The following CDC42SE2 variants were observed in gnomAD, a reference collection of about 807,000 sequenced individuals.
CDC42SE2 encodes CDC42 small effector 2.
CDC42SE2 carries 3 observed loss-of-function variants against 11.5 expected under a neutral mutation model. That is an observed-to-expected ratio of 0.26 (90% CI 0.12 to 0.67). The LOEUF is 0.67. Among genes scored for constraint, CDC42SE2 ranks in the 30% least tolerant of loss-of-function variants. CDC42SE2 has a pLI of 0.80. For missense variants in CDC42SE2, 82 were observed against 106.8 expected, an observed-to-expected ratio of 0.77 and a Z score of 1.02; for synonymous variants, 33 against 34.8, an observed-to-expected ratio of 0.95 and a Z score of 0.18.
intron 2 of CDC42SE2, among the ~76,000 whole-genome samples, chr5:131,324,278 C>T (rs979869318): frequency 6.6e-6 from 1 of 152,130 alleles, no homozygotes; most frequent in African/African-American, 2.4e-5. Flanking sequence ...CATTACTGTG[C>T]AGCTCTCTCC....
At chr5:131,338,985 C>T (rs1463641371) in intron 2 of CDC42SE2, among the ~76,000 whole-genome samples, 1 of 152,062 alleles carries the variant, frequency 6.6e-6, no homozygotes, top group Admixed American at 6.6e-5. Flanking sequence ...TGGTGGCTCA[C>T]ACCTGTAAAC....
At chr5:131,284,614 G>T (rs1383237876) in intron 1 of CDC42SE2, among the ~76,000 whole-genome samples, 1 of 152,106 alleles carries the variant, frequency 6.6e-6, no homozygotes, top group African/African-American at 2.4e-5. Flanking sequence ...AGGACTACAG[G>T]CACATGTCAT....
chr5:131,227,183 G>A, the CDC42SE2 span, among the ~76,000 whole-genome samples: 5 of 152,248 alleles, frequency 3.3e-5, no homozygotes, highest in Non-Finnish European at 5.9e-5. Context: ...AGGATCGCTT[G>A]AACCCAGGAG....
intron 2 of CDC42SE2, chr5:131,255,311 T>C (rs1399788890): frequency 6.6e-6 from 1 of 152,146 alleles, no homozygotes; most frequent in African/African-American, 2.4e-5. Context: ...ATTAATTGCA[T>C]GTTGAAATGA....
At chr5:131,313,076 G>A (rs892581524) in intron 1 of CDC42SE2, among the ~76,000 whole-genome samples, 3 of 151,686 alleles carry the variant, frequency 2.0e-5, no homozygotes, top group Non-Finnish European at 4.4e-5. Flanking sequence ...TCTGCCTCCC[G>A]GGTTCACACC....
chr5:131,380,338 G>C (rs1367400657), intron 3 of CDC42SE2, among the ~76,000 whole-genome samples: 1 of 151,974 alleles, frequency 6.6e-6, no homozygotes, highest in Non-Finnish European at 1.5e-5. Context: ...GTGGAGACAG[G>C]GTTTCGCCAT....
chr5:131,329,911 A>AAAAAAAAAAAAAAAAAAAAAAAAAAAC, intron 2 of CDC42SE2, among the ~76,000 whole-genome samples: 1 of 123,508 alleles, frequency 8.1e-6, no homozygotes, highest in Non-Finnish European at 1.6e-5. Context: ...AAAAAAAAAA[A>AAAAAAAAAAAAAAAAAAAAAAAAAAAC]AAAAAAAAAA....
At chr5:131,286,656 T>C (rs534071949) in intron 1 of CDC42SE2, among the ~76,000 whole-genome samples, 3 of 152,070 alleles carry the variant, frequency 2.0e-5, no homozygotes, top group African/African-American at 4.8e-5. Flanking sequence ...TTTTCCTCCT[T>C]CTCTTCAGTC....
intron 1 of CDC42SE2, among the ~76,000 whole-genome samples, chr5:131,306,516 G>A (rs1757781356): frequency 6.6e-6 from 1 of 152,274 alleles, no homozygotes; most frequent in East Asian, 1.9e-4. Context: ...AGATTTTGAA[G>A]CTAGGTAGTG....
chr5:131,335,316 A>C (rs923364238), intron 2 of CDC42SE2, among the ~76,000 whole-genome samples: 1 of 152,196 alleles, frequency 6.6e-6, no homozygotes, highest in African/African-American at 2.4e-5. Context: ...GTTTGATTGC[A>C]CTGTGGTCTG....
the CDC42SE2 span, among the ~76,000 whole-genome samples, chr5:131,216,436 A>G: frequency 6.7e-6 from 1 of 149,470 alleles, no homozygotes; most frequent in East Asian, 2.0e-4. Flanking sequence ...CAGGAGGTCC[A>G]GGCTGCAATG....
the CDC42SE2 span, among the ~76,000 whole-genome samples, chr5:131,220,832 C>T: frequency 6.6e-6 from 1 of 151,072 alleles, no homozygotes; most frequent in Non-Finnish European, 1.5e-5. Flanking sequence ...CCTACATACT[C>T]TTCTGTGTGT....
At chr5:131,326,686 T>C (rs535019702) in intron 2 of CDC42SE2, among the ~76,000 whole-genome samples, 1 of 152,336 alleles carries the variant, frequency 6.6e-6, no homozygotes, top group Non-Finnish European at 1.5e-5. Context: ...ATGATGATTA[T>C]GTGGTTTTGT....
intron 1 of CDC42SE2, among the ~76,000 whole-genome samples, chr5:131,297,441 C>A (rs745486157): frequency 1.3e-5 from 2 of 151,996 alleles, no homozygotes; most frequent in African/African-American, 2.4e-5. Context: ...GCATCCTGGC[C>A]GGGTGCGGTG....
At chr5:131,323,384 A>G (rs1758233708) in intron 2 of CDC42SE2, among the ~76,000 whole-genome samples, 1 of 151,900 alleles carries the variant, frequency 6.6e-6, no homozygotes, top group Admixed American at 6.6e-5. Flanking sequence ...TAAAAAGCTT[A>G]TGAAGTTATG....
intron 2 of CDC42SE2, among the ~76,000 whole-genome samples, chr5:131,352,645 T>C (rs769473540): frequency 3.9e-5 from 6 of 152,162 alleles, no homozygotes; most frequent in Non-Finnish European, 7.4e-5. Context: ...AAATACATAG[T>C]TTGAAAGATC....
intron 1 of CDC42SE2, among the ~76,000 whole-genome samples, chr5:131,268,835 C>T (rs1756930161): frequency 6.8e-6 from 1 of 146,638 alleles, no homozygotes; most frequent in Admixed American, 7.0e-5. Flanking sequence ...ACTGCAACCT[C>T]TGCCTCCTGA....
the CDC42SE2 span, among the ~76,000 whole-genome samples, chr5:131,232,666 G>A: frequency 3.7e-4 from 55 of 149,894 alleles, no homozygotes; most frequent in Admixed American, 7.3e-4. Context: ...CACAGGAGGC[G>A]GAGGTTGCAG....
intron 2 of CDC42SE2, among the ~76,000 whole-genome samples, chr5:131,323,701 G>A (rs1580754094): frequency 6.6e-6 from 1 of 151,946 alleles, no homozygotes; most frequent in East Asian, 1.9e-4. Context: ...TAGAATTCCA[G>A]TAGTGTACCA....
Sources: allele counts gnomAD v4.1 joint callset (sites outside exome capture counted in the v4.1 genomes callset), GRCh38; gene constraint gnomAD v4.1.1; transcripts MANE v1.5; gene names NCBI Gene and HGNC (gene_info 2026-07-23, HGNC 2026-07-21).